PDS5B: variants seen among roughly 807,000 people sequenced by gnomAD.
The protein encoded by PDS5B is PDS5 cohesin associated factor B, also known as sister chromatid cohesion protein PDS5 homolog B.
PDS5B carries 51 observed loss-of-function variants against 184.1 expected under a neutral mutation model. The ratio of observed to expected loss-of-function variants is 0.28; its 90% confidence interval spans 0.22 to 0.35. The LOEUF (loss-of-function observed/expected upper bound fraction) is 0.35, where lower values mean the gene tolerates loss of function less well. Ranked by LOEUF, PDS5B falls within the 10% of genes least tolerant of loss-of-function variation. The pLI is 1.00. For missense variants in PDS5B, 1,180 were observed against 1,723.3 expected, an observed-to-expected ratio of 0.68 and a Z score of 5.58; for synonymous variants, 566 against 569.2, an observed-to-expected ratio of 0.99 and a Z score of 0.08.
intron 19 of PDS5B, among the ~76,000 whole-genome samples, chr13:32,715,381 C>T (rs1021699314): frequency 9.2e-5 from 14 of 152,264 alleles, no homozygotes; most frequent in Non-Finnish European, 1.9e-4. Flanking sequence ...GTCTGGAACT[C>T]AGTTTTGCTT....
At chr13:32,667,992 T>C in intron 7 of PDS5B, 148 bp downstream of exon 7, 2 of 452,614 alleles carry the variant, frequency 4.4e-6, no homozygotes, top group East Asian at 3.6e-5. Context: ...TTCTTTCTCC[T>C]TCTTAAAATT....
At chr13:32,711,444 G>C (rs1212799575) in intron 19 of PDS5B, among the ~76,000 whole-genome samples, 1 of 150,508 alleles carries the variant, frequency 6.6e-6, no homozygotes, top group African/African-American at 2.4e-5. Flanking sequence ...TGCAGCTTCT[G>C]CCTCCCAGGT....
chr13:32,725,185 A>AT (rs748215913), intron 19 of PDS5B, among the ~76,000 whole-genome samples: 13 of 152,142 alleles, frequency 8.5e-5, no homozygotes, highest in South Asian at 2.1e-4. Flanking sequence ...TAAATGCTTG[A>AT]TTTTTTGAAT....
chr13:32,638,068 T>A (rs2058592702), intron 1 of PDS5B, among the ~76,000 whole-genome samples: 1 of 152,212 alleles, frequency 6.6e-6, no homozygotes, highest in Non-Finnish European at 1.5e-5. Context: ...TGGTTAGGGC[T>A]GGCTTGTTCA....
chr13:32,646,441 A>T (rs1391995148), intron 1 of PDS5B, among the ~76,000 whole-genome samples: 1 of 112,632 alleles, frequency 8.9e-6, no homozygotes, highest in Admixed American at 1.1e-4. Flanking sequence ...TCTAGTGTTG[A>T]TGGTCATTTG....
intron 1 of PDS5B, among the ~76,000 whole-genome samples, chr13:32,629,108 T>G (rs2058416679): frequency 6.6e-6 from 1 of 152,202 alleles, no homozygotes; most frequent in Non-Finnish European, 1.5e-5. Flanking sequence ...ACAAGAGAAG[T>G]TGGGGGTATT....
rs552421286 is a variant in PDS5B, at chr13:32,603,472, A to C, written c.-20+16879A>C. 3.3e-5 allele frequency among the ~76,000 whole-genome samples: 5 copies of C among 152,330 alleles called. No individual in the cohort carries two copies. The South Asian group carries it at 1.0e-3, about 32-fold the overall frequency. Reference sequence around the variant, plus strand: ...TGGTCTATATCTCTGTTTTGGTACCAGTACCATGCTGGTTTGGTTACTGTA... The same window carrying C: ...TGGTCTATATCTCTGTTTTGGTACCCGTACCATGCTGGTTTGGTTACTGTA... On this transcript the variant is annotated intron_variant, in intron 1 of 34. Coordinates refer to ENST00000315596, the MANE Select transcript of PDS5B (RefSeq NM_015032.4).
chr13:32,692,857 A>G (rs1459791388), intron 13 of PDS5B, among the ~76,000 whole-genome samples: 3 of 151,590 alleles, frequency 2.0e-5, no homozygotes, highest in Non-Finnish European at 2.9e-5. Flanking sequence ...GATAGTTCCT[A>G]TAAACATGTT....
chr13:32,738,963 C>T (rs1000539904), intron 21 of PDS5B, among the ~76,000 whole-genome samples: 3 of 152,134 alleles, frequency 2.0e-5, no homozygotes, highest in Admixed American at 6.5e-5. Context: ...TGAGCCACCA[C>T]GCGCCTGGCC....
At chr13:32,612,614 G>A (rs1445363694) in intron 1 of PDS5B, among the ~76,000 whole-genome samples, 1 of 152,212 alleles carries the variant, frequency 6.6e-6, no homozygotes, top group Non-Finnish European at 1.5e-5. Context: ...TCATTCAGCA[G>A]TGTTGGGAGG....
intron 8 of PDS5B, among the ~76,000 whole-genome samples, chr13:32,674,628 T>G (rs1951019217): frequency 6.6e-6 from 1 of 151,046 alleles, no homozygotes; most frequent in African/African-American, 2.4e-5. Context: ...ACATCTAGTA[T>G]GAGAGGAAGA....
intron 31 of PDS5B, among the ~76,000 whole-genome samples, chr13:32,767,573 G>T (rs1250412728): frequency 1.3e-5 from 2 of 152,248 alleles, no homozygotes; most frequent in Admixed American, 1.3e-4. Context: ...ACAAGAACCA[G>T]TGCAACAACA....
chr13:32,684,533 A>AT (rs532271640), intron 11 of PDS5B, among the ~76,000 whole-genome samples: 195 of 152,330 alleles, frequency 1.3e-3, no homozygotes, highest in African/African-American at 4.5e-3. Context: ...GCTTTTTTGA[A>AT]TGAGTACCCA....
intron 19 of PDS5B, among the ~76,000 whole-genome samples, chr13:32,727,257 C>T (rs534348048): frequency 6.6e-6 from 1 of 152,218 alleles, no homozygotes; most frequent in East Asian, 1.9e-4. Context: ...CCATTTCCTC[C>T]AGTCTTTTAA....
intron 1 of PDS5B, among the ~76,000 whole-genome samples, chr13:32,619,458 A>T (rs181704693): frequency 6.6e-6 from 1 of 152,224 alleles, no homozygotes; most frequent in Non-Finnish European, 1.5e-5. Flanking sequence ...AATATGATGG[A>T]TAAAAAATGT....
chr13:32,760,550 AAG>A, intron 29 of PDS5B, 23 bp from the exon 30 acceptor site: 1 of 1,608,372 alleles, frequency 6.2e-7, no homozygotes. Flanking sequence ...ACCAAATAAA[AAG>A]AGATGTGCAT....
intron 1 of PDS5B, among the ~76,000 whole-genome samples, chr13:32,595,451 T>C (rs1453507534): frequency 6.6e-6 from 1 of 152,228 alleles, no homozygotes; most frequent in Non-Finnish European, 1.5e-5. Flanking sequence ...AGTTTATATA[T>C]GTTAATGTTA....
chr13:32,708,999 C>T (rs960088997), intron 18 of PDS5B, among the ~76,000 whole-genome samples: 20 of 152,062 alleles, frequency 1.3e-4, no homozygotes, highest in Admixed American at 6.5e-5. Flanking sequence ...TGCCTGCTTA[C>T]ATCCCCTTAC....
At chr13:32,768,792 C>T in intron 31 of PDS5B, among the ~76,000 whole-genome samples, 1 of 46,190 alleles carries the variant, frequency 2.2e-5, no homozygotes, top group Middle Eastern at 0.014. Flanking sequence ...GACTCTGTCT[C>T]AAAAAAAAAA....
Sources: allele counts gnomAD v4.1 joint callset (sites outside exome capture counted in the v4.1 genomes callset), GRCh38; gene constraint gnomAD v4.1.1; transcripts MANE v1.5; gene names NCBI Gene and HGNC (gene_info 2026-07-23, HGNC 2026-07-21).